The following AFG1L variants were observed in gnomAD, a reference collection of about 807,000 sequenced individuals.
AFG1L encodes the protein AFG1-like ATPase.
AFG1L carries 53 observed loss-of-function variants against 62.2 expected under a neutral mutation model. The observed-to-expected ratio is 0.85, with a 90% CI of 0.68 to 1.07. AFG1L has a LOEUF of 1.07. Among genes scored for constraint, AFG1L ranks in the 50% least tolerant of loss-of-function variants. AFG1L has a pLI of 0.00. For synonymous variants in AFG1L, 228 were observed against 210.3 expected (o/e 1.08, Z -0.73); for missense variants, 555 against 590.5 (o/e 0.94, Z 0.62).
At chr6:108,422,044 A>G (rs1238583615) in intron 7 of AFG1L, among the ~76,000 whole-genome samples, 3 of 152,114 alleles carry the variant, frequency 2.0e-5, no homozygotes, top group African/African-American at 7.2e-5. Context: ...ATAATTTTAG[A>G]TTGTTTTTGG....
intron 11 of AFG1L, among the ~76,000 whole-genome samples, chr6:108,511,186 AAGG>A (rs1430392667): frequency 1.3e-5 from 2 of 151,316 alleles, no homozygotes; most frequent in Admixed American, 6.6e-5. Flanking sequence ...GAAGGAAGAG[AAGG>A]AGAAGGAGGA....
rs1254558608 is a variant in AFG1L at position 108,395,553 on chromosome 6, C to G, written c.749-6443C>G. ...AGTAGCTGAAGCTACAGGCATGTACCACCACTCCAGGCTAATTTTTCTATT... is the reference window on the plus strand; with the variant it reads ...AGTAGCTGAAGCTACAGGCATGTACGACCACTCCAGGCTAATTTTTCTATT... On this transcript the variant is annotated intron_variant, in intron 6 of 12. Transcript: ENST00000368977. Among the ~76,000 whole-genome samples the G allele has an allele frequency of 7.2e-5, 11 of 151,822 alleles. No individual in the cohort carries two copies. The East Asian group carries it at 2.1e-3, about 29-fold the overall frequency.
chr6:108,513,411 A>G (rs1041009396), intron 11 of AFG1L, among the ~76,000 whole-genome samples: 11 of 152,182 alleles, frequency 7.2e-5, no homozygotes, highest in African/African-American at 2.7e-4. Context: ...GATCACTCCC[A>G]CCCTAATACT....
chr6:108,395,431 C>A (rs1378608245), intron 6 of AFG1L, among the ~76,000 whole-genome samples: 3 of 114,524 alleles, frequency 2.6e-5, no homozygotes, highest in African/African-American at 1.0e-4. Flanking sequence ...GAGACAGTGT[C>A]TCACTCTGCA....
chr6:108,355,770 G>C lies in AFG1L; in HGVS notation c.517+15G>C. On this transcript the variant is annotated intron_variant, in intron 4 of 12. Transcript: ENST00000368977. ...TGTGCACAAAAGTAAGCAATGATCT[G>C]AAAGAAGTGATTTTTTCAGTGGGGA... is the stretch of plus-strand genomic sequence containing the variant. 1 of 1,552,100 alleles carries C rather than the reference G, an allele frequency of 6.4e-7. No homozygotes were observed. Among genetic ancestry groups the C allele is most frequent in the East Asian group, 2.3e-5 (1 of 44,112 alleles).
intron 10 of AFG1L, among the ~76,000 whole-genome samples, chr6:108,491,466 T>C (rs1773777469): frequency 6.6e-6 from 1 of 152,102 alleles, no homozygotes; most frequent in Admixed American, 6.6e-5. Flanking sequence ...GAAAACATAA[T>C]GACAAAGTAA....
At chr6:108,301,001 G>A (rs185532724) in intron 1 of AFG1L, among the ~76,000 whole-genome samples, 1 of 152,218 alleles carries the variant, frequency 6.6e-6, no homozygotes, top group Admixed American at 6.5e-5. Flanking sequence ...CCAATTAGAT[G>A]AATATCTTTA....
intron 7 of AFG1L, among the ~76,000 whole-genome samples, chr6:108,419,301 C>G (rs561472833): frequency 6.6e-6 from 1 of 152,260 alleles, no homozygotes; most frequent in South Asian, 2.1e-4. Context: ...CTTTGATTCT[C>G]ATTCACAATG....
intron 10 of AFG1L, among the ~76,000 whole-genome samples, chr6:108,494,120 C>T (rs913231042): frequency 3.9e-5 from 6 of 152,108 alleles, no homozygotes; most frequent in Admixed American, 2.6e-4. Context: ...CCACACCTGG[C>T]GTCACATTTT....
chr6:108,468,767 T>TC (rs1772773196), intron 8 of AFG1L, among the ~76,000 whole-genome samples: 1 of 151,764 alleles, frequency 6.6e-6, no homozygotes, highest in South Asian at 2.1e-4. Context: ...TCCTTTTTTT[T>TC]TTTTTTGGTC....
At chr6:108,303,824 G>A (rs1363709014) in intron 1 of AFG1L, among the ~76,000 whole-genome samples, 1 of 152,072 alleles carries the variant, frequency 6.6e-6, no homozygotes, top group African/African-American at 2.4e-5. Flanking sequence ...ACAAATGAAT[G>A]GGTTTAAAAA....
chr6:108,492,646 G>A (rs1209974505), intron 10 of AFG1L, among the ~76,000 whole-genome samples: 3 of 152,094 alleles, frequency 2.0e-5, no homozygotes, highest in Non-Finnish European at 2.9e-5. Flanking sequence ...TGGGAAATTA[G>A]AAGGAGTTAT....
At chr6:108,488,759 T>G (rs1362385018) in intron 10 of AFG1L, among the ~76,000 whole-genome samples, 2 of 151,494 alleles carry the variant, frequency 1.3e-5, no homozygotes, top group Non-Finnish European at 2.9e-5. Context: ...TCTCAGCTAC[T>G]CGGGAGGCTG....
At chr6:108,498,069 T>G (rs1283837359) in intron 10 of AFG1L, among the ~76,000 whole-genome samples, 1 of 152,214 alleles carries the variant, frequency 6.6e-6, no homozygotes, top group Non-Finnish European at 1.5e-5. Flanking sequence ...TAGGATGCTC[T>G]CTTGGCTTTT....
intron 3 of AFG1L, 76 bp from the exon 4 acceptor site, chr6:108,355,578 A>T: frequency 1.4e-6 from 1 of 701,692 alleles, no homozygotes; most frequent in Non-Finnish European, 2.2e-6. Flanking sequence ...TCATTATCTC[A>T]AAGCTAATGA....
At chr6:108,446,399 A>G (rs1415362307) in intron 7 of AFG1L, among the ~76,000 whole-genome samples, 4 of 151,952 alleles carry the variant, frequency 2.6e-5, no homozygotes, top group African/African-American at 9.7e-5. Flanking sequence ...GCCATTTAGA[A>G]GCGAAGGATG....
At chr6:108,334,000 T>TTTTTGTTTTGTTTTG (rs773731148) in intron 2 of AFG1L, among the ~76,000 whole-genome samples, 1 of 152,116 alleles carries the variant, frequency 6.6e-6, no homozygotes, top group African/African-American at 2.4e-5. Flanking sequence ...GTTAGTTTTG[T>TTTTTGTTTTGTTTTG]TTTTGTTTTG....
chr6:108,440,905 TTGAC>T lies in AFG1L; in HGVS notation c.808-6306_808-6303del, dbSNP rs555434296. Among the ~76,000 whole-genome samples the T allele has an allele frequency of 4.5e-4, 69 of 152,360 alleles. No homozygotes were observed. The South Asian group carries it at 0.014, about 31-fold the overall frequency. On this transcript the variant is annotated intron_variant, in intron 7 of 12. Coordinates refer to ENST00000368977, the MANE Select transcript of AFG1L (RefSeq NM_145315.5). ...ATTAAAAATTTATAAAATAAATTAG[TTGAC>T]TGTTAATCAAGAAAAACACTAATAA...
chr6:108,496,594 G>A, intron 10 of AFG1L, among the ~76,000 whole-genome samples: 1 of 152,130 alleles, frequency 6.6e-6, no homozygotes, highest in Admixed American at 6.5e-5. Flanking sequence ...GGATGAAATA[G>A]CTGAAAAATA....
Sources: allele counts gnomAD v4.1 joint callset (sites outside exome capture counted in the v4.1 genomes callset), GRCh38; gene constraint gnomAD v4.1.1; transcripts MANE v1.5; gene names NCBI Gene and HGNC (gene_info 2026-07-23, HGNC 2026-07-21).